PRAMEF18: variants seen among roughly 807,000 people sequenced by gnomAD.
PRAMEF18 encodes the protein PRAME family member 18, also known as PRAME family member-like.
In PRAMEF18, 15 loss-of-function variants were observed where a neutral mutation model predicts 23.7. The ratio of observed to expected loss-of-function variants is 0.63; its 90% CI spans 0.42 to 0.97. The LOEUF (loss-of-function observed/expected upper bound fraction) is 0.97, where lower values mean the gene tolerates loss of function less well. Among genes scored for constraint, PRAMEF18 ranks in the 50% least tolerant of loss-of-function variants. PRAMEF18 has a pLI of 0.00. For missense variants in PRAMEF18, 223 were observed against 418.6 expected (o/e 0.53, Z 4.08); for synonymous variants, 78 against 159.9 (o/e 0.49, Z 3.86).
exon 2 of PRAMEF18, chr1:13,225,160 A>G: frequency 6.2e-7 from 1 of 1,612,650 alleles, no homozygotes; most frequent in South Asian, 1.1e-5. Flanking sequence ...TCATTGAATA[A>G]TTCACCACCT....
exon 1 of PRAMEF18, chr1:13,225,977 A>T (rs1638845694): frequency 6.2e-7 from 1 of 1,614,314 alleles, no homozygotes; most frequent in Non-Finnish European, 8.5e-7. Context: ...CTGCTAGTGA[A>T]GGCCTCCACG....
upstream of PRAMEF18, chr1:13,226,143 C>T: frequency 2.1e-6 from 3 of 1,399,868 alleles, no homozygotes; most frequent in Non-Finnish European, 2.0e-6. Flanking sequence ...CCAGAGAAGA[C>T]AAACTTATCA....
exon 1 of PRAMEF18, chr1:13,225,961 C>T (rs1207223990): frequency 1.2e-6 from 2 of 1,614,202 alleles, no homozygotes; most frequent in African/African-American, 2.7e-5. Flanking sequence ...CAGAACCTCG[C>T]AGCGTCTGCT....
chr1:13,223,165 C>T, exon 3 of PRAMEF18: 1 of 91,206 alleles, frequency 1.1e-5, no homozygotes, highest in South Asian at 6.9e-5. Context: ...CTCCCTTAAG[C>T]GTAAGAGTTT....
At chr1:13,224,909 A>T (rs959338729) in exon 2 of PRAMEF18, 2 of 1,614,062 alleles carry the variant, frequency 1.2e-6, no homozygotes, top group East Asian at 4.5e-5. Context: ...TACATAAAGC[A>T]TCTGGAGGTT....
exon 2 of PRAMEF18, chr1:13,224,922 C>G: frequency 1.9e-6 from 3 of 1,614,096 alleles, no homozygotes; most frequent in East Asian, 4.5e-5. Context: ...TGGAGGTTCT[C>G]CAGCCTGAGG....
exon 2 of PRAMEF18, chr1:13,225,120 T>C: frequency 6.2e-7 from 1 of 1,613,744 alleles, no homozygotes; most frequent in Non-Finnish European, 8.5e-7. Flanking sequence ...GGGTATACTG[T>C]TTCCAATATG....
chr1:13,226,135 AGAG>A (rs1471313224), upstream of PRAMEF18: 13 of 1,611,768 alleles, frequency 8.1e-6, no homozygotes, highest in Non-Finnish European at 1.1e-5. Context: ...AAACAAATCC[AGAG>A]AAGACAAACT....
At chr1:13,225,469 A>C in intron 1 of PRAMEF18, 36 bp from the exon 2 acceptor site, 1 of 1,594,384 alleles carries the variant, frequency 6.3e-7, no homozygotes, top group Non-Finnish European at 8.6e-7. Context: ...CAGAACGTAG[A>C]CAAGGACCCA....
chr1:13,225,445 A>G lies in PRAMEF18; in HGVS notation c.288-12T>C, dbSNP rs1638835644. 2 of 1,607,200 alleles carry G rather than the reference A, an allele frequency of 1.2e-6. No individual in the cohort carries two copies. The highest frequency in any genetic ancestry group is 2.7e-5 in the African/African-American group (2 of 74,584). On this transcript the variant is annotated splice_polypyrimidine_tract_variant and intron_variant, in intron 1 of 2. Transcript: ENST00000624297. ...GAAGTTTCCACCTCCTGTGAGTAAC[A>G]TAGGGGAAAAGCTCAGAACGTAGAC...
chr1:13,225,055 T>G, exon 2 of PRAMEF18: 1 of 1,614,180 alleles, frequency 6.2e-7, no homozygotes, highest in Non-Finnish European at 8.5e-7. Context: ...GGCTAAACTC[T>G]ACTATCATAC....
At chr1:13,224,942 C>T in exon 2 of PRAMEF18, 1 of 1,614,104 alleles carries the variant, frequency 6.2e-7, no homozygotes. Context: ...GAGCACAGAG[C>T]TGAATTCAGC....
At chr1:13,225,183 G>A in exon 2 of PRAMEF18, 2 of 1,612,336 alleles carry the variant, frequency 1.2e-6, no homozygotes, top group East Asian at 4.5e-5. Flanking sequence ...GTACAGCACA[G>A]GTGTACTGAA....
At chr1:13,226,041 G>C (rs1306177392) in exon 1 of PRAMEF18, 2 of 1,613,788 alleles carry the variant, frequency 1.2e-6, no homozygotes, top group Non-Finnish European at 8.5e-7. Flanking sequence ...AGATGGCCAA[G>C]GCCTGGTCCC....
rs1638819458 is a variant in PRAMEF18, at chr1:13,224,896, T to C, written c.825A>G (p.Arg275=). 9.3e-6 allele frequency: 15 copies of C among 1,614,064 alleles called. No individual in the cohort carries two copies. The East Asian group carries it at 2.0e-4, about 22-fold the overall frequency. The change falls in exon 2 of 3, where the codon AGA becomes AGG. Residue 275 remains arginine, a synonymous_variant. Transcript: ENST00000624297. Reference sequence around the variant, plus strand: ...GGTGGCCTCTGAAGAAGCAGACCCTTCTTACATAAAGCATCTGGAGGTTCT... The same window carrying C: ...GGTGGCCTCTGAAGAAGCAGACCCTCCTTACATAAAGCATCTGGAGGTTCT...
Position 13,225,081 on chromosome 1 carries a change from T to C in PRAMEF18, c.640A>G (p.Asn214Asp), listed in dbSNP as rs763020534. 8.1e-6 allele frequency: 13 copies of C among 1,614,102 alleles called. No individual in the cohort carries two copies. The highest frequency in any genetic ancestry group is 1.7e-4 in the Middle Eastern group (1 of 6,038). ...ACTATCATACACAGCCAGCACATGT[T>C]CCAAATTTCCAACACTTGGATACTG... is the stretch of plus-strand genomic sequence containing the variant. Residue 214 changes from asparagine (N) to aspartate (D), a missense_variant, in exon 2 of 3, where the codon AAC (asparagine) becomes GAC (aspartate). Asn to Asp is a conservative substitution (Grantham distance 23). This residue lies in a region of PRAMEF18 where 160 missense variants were observed against 130.8 expected (regional missense o/e 1.22). Transcript: ENST00000624297.
exon 2 of PRAMEF18, chr1:13,224,873 T>C: frequency 6.2e-7 from 1 of 1,614,020 alleles, no homozygotes; most frequent in Non-Finnish European, 8.5e-7. Context: ...CTGGTCCAGG[T>C]GGCCTCTGAA....
chr1:13,225,880 T>C, exon 1 of PRAMEF18: 1 of 1,614,274 alleles, frequency 6.2e-7, no homozygotes, highest in Non-Finnish European at 8.5e-7. Flanking sequence ...ATGTAAGATC[T>C]CCAGATCAGG....
intron 2 of PRAMEF18, 107 bp downstream of exon 2, chr1:13,224,748 C>G: frequency 1.3e-6 from 2 of 1,586,758 alleles, no homozygotes; most frequent in Non-Finnish European, 8.6e-7. Flanking sequence ...TGTCCCCTTC[C>G]CTAGACATCT....
Sources: gnomAD v4.1 joint callset for allele counts on GRCh38, gnomAD v4.1.1 for gene constraint, gnomAD v4.1.1 regional missense constraint, MANE v1.5 for transcripts, NCBI Gene and HGNC (gene_info 2026-07-23, HGNC 2026-07-21) for gene names.